TRDN: variants seen among roughly 807,000 people sequenced by gnomAD.
The protein encoded by TRDN is triadin, also known as triadin in skeletal muscle.
In TRDN, 161 loss-of-function variants were observed where a neutral mutation model predicts 149.7. The ratio of observed to expected loss-of-function variants is 1.08; its 90% confidence interval spans 0.95 to 1.23. TRDN has a LOEUF of 1.23. Ranked by LOEUF, TRDN falls within the 50% of genes most tolerant of loss-of-function variation. The pLI is 0.00. For synonymous variants in TRDN, 294 were observed against 250.5 expected, an observed-to-expected ratio of 1.17 and a Z score of -1.64; for missense variants, 896 against 823.5, an observed-to-expected ratio of 1.09 and a Z score of -1.08.
chr6:123,333,235 G>A (rs1779724060), intron 22 of TRDN, among the ~76,000 whole-genome samples: 2 of 152,008 alleles, frequency 1.3e-5, no homozygotes, highest in African/African-American at 2.4e-5. Flanking sequence ...TGGGGCAGGA[G>A]AGTGCAATGC....
At chr6:123,545,216 A>G (rs1040479988) in intron 4 of TRDN, among the ~76,000 whole-genome samples, 2 of 151,974 alleles carry the variant, frequency 1.3e-5, no homozygotes, top group African/African-American at 2.4e-5. Context: ...AAAGACTATC[A>G]TTCTACATTG....
chr6:123,374,447 T>C (rs1483999546), intron 19 of TRDN, among the ~76,000 whole-genome samples: 1 of 152,134 alleles, frequency 6.6e-6, no homozygotes, highest in Non-Finnish European at 1.5e-5. Context: ...GACTCCATAA[T>C]ATAGAGTTCC....
intron 13 of TRDN, among the ~76,000 whole-genome samples, chr6:123,392,165 C>T (rs1772506663): frequency 6.6e-6 from 1 of 151,980 alleles, no homozygotes; most frequent in African/African-American, 2.4e-5. Flanking sequence ...TTACTATTTC[C>T]TCAAAAATAA....
chr6:123,567,119 AG>A lies in TRDN; in HGVS notation c.232+3803del, dbSNP rs577716313. The stretch of plus-strand genomic sequence containing the variant: ...AAATACTTCAGTCAATGCAAGCTCA[AG>A]GGAAATGAAATTTTGTAGAGTAAGG... On this transcript the variant is annotated intron_variant, in intron 2 of 40. Transcript: ENST00000334268. Among the ~76,000 whole-genome samples the A allele has an allele frequency of 3.3e-3, 497 of 152,354 alleles. 1 individual carries two copies. Among genetic ancestry groups the A allele is most frequent in the African/African-American group, 0.011 (454 of 41,576 alleles).
intron 1 of TRDN, among the ~76,000 whole-genome samples, chr6:123,588,288 A>G (rs6902980): frequency 0.41 from 62,158 of 151,956 alleles, 13,014 homozygotes; most frequent in Non-Finnish European, 0.44. Context: ...ATGATGCTAT[A>G]CTAGTCAAGT....
chr6:123,301,752 CATATATATATATATATACAT>C (rs1778411708), intron 24 of TRDN, among the ~76,000 whole-genome samples: 1 of 77,070 alleles, frequency 1.3e-5, no homozygotes, highest in African/African-American at 4.4e-5. Context: ...TATATATATA[CATATATATATATATATACAT>C]ATATATATAT....
intron 1 of TRDN, among the ~76,000 whole-genome samples, chr6:123,601,831 C>T (rs1784294897): frequency 6.6e-6 from 1 of 152,104 alleles, no homozygotes; most frequent in African/African-American, 2.4e-5. Context: ...CAGTTTGTTA[C>T]ACAATTCACA....
In TRDN at chr6:123,316,318, G is replaced by A. The variant is rs549104276; in HGVS notation, c.1510+139C>T. The A allele has an allele frequency of 3.6e-5, 28 of 776,638 alleles. No individual in the cohort carries two copies. The South Asian group carries it at 4.6e-4, about 13-fold the overall frequency. The allele number at this position is 776,638 out of a possible 1,614,324, so 48.1% of individuals were successfully genotyped here. A position where few individuals can be genotyped will look rare whatever the true frequency, so the allele number is the denominator to read the frequency against. On this transcript the variant is annotated intron_variant, in intron 24 of 40. Transcript: ENST00000334268. Reference sequence around the variant, plus strand: ...ATTGCTTATTACTTGTAAAATATATGGCACATAGCATCAGTATTTTTTTAA... The same window carrying A: ...ATTGCTTATTACTTGTAAAATATATAGCACATAGCATCAGTATTTTTTTAA...
At chr6:123,538,615 G>T (rs1780671542) in intron 4 of TRDN, among the ~76,000 whole-genome samples, 1 of 152,042 alleles carries the variant, frequency 6.6e-6, no homozygotes, top group African/African-American at 2.4e-5. Context: ...AAGATATTAA[G>T]AACAGTTTCT....
intron 9 of TRDN, among the ~76,000 whole-genome samples, chr6:123,474,571 C>A (rs534705137): frequency 1.4e-4 from 22 of 152,194 alleles, no homozygotes; most frequent in Middle Eastern, 3.4e-3. Flanking sequence ...TGCACCAAGC[C>A]GACCTAATAG....
chr6:123,441,008 C>A (rs561066865), intron 10 of TRDN: 12 of 148,638 alleles, frequency 8.1e-5, no homozygotes, highest in African/African-American at 2.8e-4. Flanking sequence ...AGATTAATGT[C>A]CTTTAATAAC....
chr6:123,300,655 T>C (rs763836436), intron 24 of TRDN, among the ~76,000 whole-genome samples: 4 of 151,936 alleles, frequency 2.6e-5, no homozygotes, highest in Non-Finnish European at 4.4e-5. Context: ...CAGAAGAAGA[T>C]TCAAGACTAT....
In TRDN at chr6:123,382,161, G is replaced by A. The variant is rs1781747541; in HGVS notation, c.1136-14C>T. ...TTTTCTTGGAATCTGAAAACACAAA[G>A]ATAAATTATTAATAAAACAGATACA... On this transcript the variant is annotated splice_polypyrimidine_tract_variant and intron_variant, in intron 14 of 40. Transcript: ENST00000334268. The A allele has an allele frequency of 4.0e-6, 6 of 1,486,250 alleles. No individual in the cohort carries two copies. Among genetic ancestry groups the A allele is most frequent in the Non-Finnish European group, 5.4e-6 (6 of 1,112,364 alleles). 92.1% of individuals were successfully genotyped at this position (1,486,250 alleles called of 1,614,324 possible). A position where few individuals can be genotyped will look rare whatever the true frequency, so the allele number is the denominator to read the frequency against.
chr6:123,443,181 C>T (rs1266574574), intron 10 of TRDN, among the ~76,000 whole-genome samples: 2 of 149,896 alleles, frequency 1.3e-5, no homozygotes, highest in Non-Finnish European at 3.0e-5. Context: ...GAGAAAAGTC[C>T]ATTTTAGAGG....
intron 12 of TRDN, among the ~76,000 whole-genome samples, chr6:123,426,883 T>G (rs1774142932): frequency 6.6e-6 from 1 of 152,094 alleles, no homozygotes; most frequent in African/African-American, 2.4e-5. Context: ...TCCTCAAGGC[T>G]CCTTTAACTA....
At chr6:123,512,896 C>T (rs10428849) in intron 6 of TRDN, among the ~76,000 whole-genome samples, 2 of 152,032 alleles carry the variant, frequency 1.3e-5, no homozygotes, top group African/African-American at 4.8e-5. Context: ...AAATTAGTTC[C>T]ACATATTTCC....
chr6:123,437,831 T>C (rs9482386), intron 12 of TRDN, among the ~76,000 whole-genome samples: 1 of 151,896 alleles, frequency 6.6e-6, no homozygotes, highest in Admixed American at 6.6e-5. Flanking sequence ...TGCGTTTTTT[T>C]GGGGGGGAAT....
intron 37 of TRDN, 83 bp from the exon 38 acceptor site, chr6:123,252,518 C>T: frequency 4.2e-6 from 3 of 710,858 alleles, no homozygotes; most frequent in Non-Finnish European, 4.6e-6. Flanking sequence ...ATAAAAATAT[C>T]TAATTATTTT....
chr6:123,429,985 C>T (rs1160680376), intron 12 of TRDN, among the ~76,000 whole-genome samples: 1 of 152,058 alleles, frequency 6.6e-6, no homozygotes, highest in African/African-American at 2.4e-5. Context: ...AAAGATAATA[C>T]AAGGCTGGGT....
Sources: gnomAD v4.1 joint callset for allele counts (sites outside exome capture counted in the v4.1 genomes callset) on GRCh38, gnomAD v4.1.1 for gene constraint, MANE v1.5 for transcripts, NCBI Gene and HGNC (gene_info 2026-07-23, HGNC 2026-07-21) for gene names.